The following HCN2 variants were observed in gnomAD, a reference collection of about 807,000 sequenced individuals.
HCN2 encodes the protein hyperpolarization activated cyclic nucleotide gated potassium and sodium channel 2.
Under a neutral mutation model 52.3 loss-of-function variants are expected in HCN2, and 20 were observed. The observed-to-expected ratio is 0.38, with a 90% CI of 0.27 to 0.56. HCN2 has a LOEUF of 0.56. HCN2 is among the 20% of genes least tolerant of loss of function. HCN2 has a pLI of 0.71. For missense variants in HCN2, 981 were observed against 1,207.7 expected (o/e 0.81, Z 2.78); for synonymous variants, 694 against 537.0 (o/e 1.29, Z -4.04).
intron 1 of HCN2, among the ~76,000 whole-genome samples, chr19:595,926 G>T (rs1983016538): frequency 6.6e-6 from 1 of 152,142 alleles, no homozygotes; most frequent in Non-Finnish European, 1.5e-5. Context: ...CTGAGGCTGG[G>T]CTCCTGCGGG....
rs1983943972 is a variant in HCN2, at chr19:616,602, T to C, written c.*128T>C. The C allele has an allele frequency of 6.0e-6, 3 of 501,528 alleles. No individual in the cohort carries two copies. Among genetic ancestry groups the C allele is most frequent in the Non-Finnish European group, 8.4e-6 (3 of 358,690 alleles). The allele number at this position is 501,528 out of a possible 1,614,324, so 31.1% of individuals were successfully genotyped here. ...GCCATAGACGAGACGTAGGTAGCCG[T>C]AGTTGGACGGACGGGCAGGGCCGGC... On this transcript the variant is annotated 3_prime_UTR_variant, in exon 8 of 8. Coordinates refer to ENST00000251287, the MANE Select transcript of HCN2 (RefSeq NM_001194.4).
At chr19:608,613 T>G (rs1292767577) in intron 4 of HCN2, among the ~76,000 whole-genome samples, 3 of 151,304 alleles carry the variant, frequency 2.0e-5, no homozygotes, top group Non-Finnish European at 4.4e-5. Flanking sequence ...GGATGCAGGC[T>G]GGGCAGGAAG....
Position 590,026 on chromosome 19 carries a change from GC to G in HCN2, c.84del (p.Ala29ArgfsTer233). 1.7e-6 allele frequency: 1 copy of G among 592,040 alleles called. No homozygotes were observed. Among genetic ancestry groups the G allele is most frequent in the Non-Finnish European group, 2.1e-6 (1 of 484,064 alleles). 36.7% of individuals were successfully genotyped at this position (592,040 alleles called of 1,614,324 possible). A position where few individuals can be genotyped will look rare whatever the true frequency, so the allele number is the denominator to read the frequency against. ...PAPGPPPPPP[P>X]APPQQQPPPP... is the part of the protein sequence containing the mutation. ...CGCCGGGGCCGCCGCCGCCGCCGCC[GC>G]CCGCGCCCCCCCAACAGCAGCCGCC... is the stretch of plus-strand genomic sequence containing the variant. On this transcript the variant is annotated frameshift_variant, in exon 1 of 8. Transcript: ENST00000251287. LOFTEE classifies it high-confidence loss of function. This position sits in a 1 kb window ranked among gnomAD's most constrained non-coding sequence, Gnocchi z 7.2.
At chr19:597,756 G>C (rs1299601753) in intron 1 of HCN2, among the ~76,000 whole-genome samples, 2 of 146,166 alleles carry the variant, frequency 1.4e-5, no homozygotes, top group African/African-American at 2.6e-5. Context: ...AGGTCCTCCT[G>C]GTGGTTTCTA....
Position 603,669 on chromosome 19 carries a change from CCTT to C in HCN2, c.763_765del (p.Phe255del), listed in dbSNP as rs1351518252. On this transcript the variant is annotated inframe_deletion, in exon 2 of 8. Transcript: ENST00000251287. ...ATCGTGTTCAACGTGGTCTCGGACA[CCTT>C]CTTCCTCATGGACCTGGTGTTGAAC... 2 of 1,612,630 alleles carry C rather than the reference CCTT, an allele frequency of 1.2e-6. No homozygotes were observed. The highest frequency in any genetic ancestry group is 1.3e-5 in the African/African-American group (1 of 74,860).
chr19:614,027 C>CA lies in HCN2; in HGVS notation c.1990+11_1990+12insA. The CA allele has an allele frequency of 1.0e-6, 1 of 963,026 alleles. No individual in the cohort carries two copies. Among genetic ancestry groups the CA allele is most frequent in the South Asian group, 1.8e-5 (1 of 54,122 alleles). 59.7% of individuals were successfully genotyped at this position (963,026 alleles called of 1,614,324 possible). A position where few individuals can be genotyped will look rare whatever the true frequency, so the allele number is the denominator to read the frequency against. ...GCCTGGACCGCATCGGTGAGCGGGC[C>CA]GGGGGCGTGGCCGGGGCGGGTGCCC... is the stretch of plus-strand genomic sequence containing the variant. On this transcript the variant is annotated intron_variant, in intron 7 of 7. Transcript: ENST00000251287.
intron 2 of HCN2, among the ~76,000 whole-genome samples, chr19:604,426 C>G (rs529485439): frequency 4.9e-4 from 65 of 133,596 alleles, no homozygotes; most frequent in Non-Finnish European, 5.9e-4. Flanking sequence ...TGAGCAGGGT[C>G]GAGGCAGCAG....
chr19:609,987 G>A (rs1443591920), intron 4 of HCN2, among the ~76,000 whole-genome samples: 3 of 152,192 alleles, frequency 2.0e-5, no homozygotes, highest in Non-Finnish European at 2.9e-5. Flanking sequence ...GAATCTGGCC[G>A]CCCCTGTGTG....
At chr19:600,528 G>A (rs565783625) in intron 1 of HCN2, among the ~76,000 whole-genome samples, 5 of 151,186 alleles carry the variant, frequency 3.3e-5, no homozygotes, top group African/African-American at 4.9e-5. Context: ...TGTATTTTTT[G>A]TAGAGCTGGG....
intron 1 of HCN2, among the ~76,000 whole-genome samples, chr19:603,286 G>T (rs1456136205): frequency 7.2e-6 from 1 of 139,790 alleles, no homozygotes; most frequent in Non-Finnish European, 1.6e-5. Flanking sequence ...ACCAGCCTGA[G>T]GTGTGGGCAC....
At position 605,111 on chromosome 19, in the gene HCN2, T is replaced by C; in HGVS notation, c.1107T>C (p.Asn369=). ...CCAGCGCGGTGATGAGGATCTGCAA[T>C]CTCATCAGCATGATGCTGCTGCTCT... is the stretch of plus-strand genomic sequence containing the variant. The part of the protein sequence containing the change: ...DLASAVMRIC[N]LISMMLLLCH... Residue 369 remains asparagine (N), a synonymous_variant, in exon 3 of 8, where the codon AAT becomes AAC. Coordinates refer to ENST00000251287, the MANE Select transcript of HCN2 (RefSeq NM_001194.4). The C allele has an allele frequency of 6.2e-7, 1 of 1,611,954 alleles. No homozygotes were observed. The highest frequency in any genetic ancestry group is 2.2e-5 in the East Asian group (1 of 44,872).
intron 5 of HCN2, among the ~76,000 whole-genome samples, chr19:613,044 A>G (rs1377252031): frequency 6.6e-6 from 1 of 152,180 alleles, no homozygotes; most frequent in African/African-American, 2.4e-5. Flanking sequence ...GATGTCGCCA[A>G]TACGGTGTCA....
At chr19:609,015 C>T (rs1428018248) in intron 4 of HCN2, among the ~76,000 whole-genome samples, 1 of 152,200 alleles carries the variant, frequency 6.6e-6, no homozygotes. Flanking sequence ...CCTCAGTTTC[C>T]CCATGTTAGG....
chr19:609,584 G>A (rs552832477), intron 4 of HCN2, among the ~76,000 whole-genome samples: 5 of 152,340 alleles, frequency 3.3e-5, no homozygotes, highest in East Asian at 3.9e-4. Flanking sequence ...TGAGCAACAC[G>A]GCGAGACCTC....
At chr19:609,984 G>A (rs1478671639) in intron 4 of HCN2, among the ~76,000 whole-genome samples, 1 of 152,240 alleles carries the variant, frequency 6.6e-6, no homozygotes, top group Non-Finnish European at 1.5e-5. Context: ...GTTGAATCTG[G>A]CCGCCCCTGT....
Position 592,663 on chromosome 19 carries a change from G to A in HCN2, c.632+2086G>A, listed in dbSNP as rs922026947. On this transcript the variant is annotated intron_variant, in intron 1 of 7. Transcript: ENST00000251287. This position sits in a 1 kb window ranked among gnomAD's most constrained non-coding sequence, Gnocchi z 4.8. ...CAGTCAGATTTTAAAAAAGGATTTCGATGTTGCCAAGCTGGGTGCACGGGG... is the reference window on the plus strand; with the variant it reads ...CAGTCAGATTTTAAAAAAGGATTTCAATGTTGCCAAGCTGGGTGCACGGGG... 2.6e-5 allele frequency among the ~76,000 whole-genome samples: 4 copies of A among 152,108 alleles called. No homozygotes were observed. Among genetic ancestry groups the A allele is most frequent in the African/African-American group, 9.7e-5 (4 of 41,408 alleles).
At chr19:614,199 T>TGGGGCA (rs1983800503) in intron 7 of HCN2, among the ~76,000 whole-genome samples, 183 bp downstream of exon 7, 2 of 152,052 alleles carry the variant, frequency 1.3e-5, no homozygotes, top group South Asian at 4.1e-4. Context: ...GGGGCGTGGC[T>TGGGGCA]GGGGCAGGGG....
At chr19:596,952 G>T (rs1983049258) in intron 1 of HCN2, among the ~76,000 whole-genome samples, 1 of 152,180 alleles carries the variant, frequency 6.6e-6, no homozygotes, top group Non-Finnish European at 1.5e-5. Flanking sequence ...GCCCTGCAGG[G>T]CTCTGGGGTC....
In HCN2 at chr19:592,606, G is replaced by C. The variant is rs962604240; in HGVS notation, c.632+2029G>C. 1.3e-5 allele frequency among the ~76,000 whole-genome samples: 2 copies of C among 152,114 alleles called. No individual in the cohort carries two copies. Among genetic ancestry groups the C allele is most frequent in the Non-Finnish European group, 2.9e-5 (2 of 68,018 alleles). On this transcript the variant is annotated intron_variant, in intron 1 of 7. Transcript: ENST00000251287. This position sits in a 1 kb window ranked among gnomAD's most constrained non-coding sequence, Gnocchi z 4.8. Reference sequence around the variant, plus strand: ...TGAGCAGGCAGGGAATGGGGTTAGCGGGGCCTGTCTTCGGGACTAGGGGAG... The same window carrying C: ...TGAGCAGGCAGGGAATGGGGTTAGCCGGGCCTGTCTTCGGGACTAGGGGAG...
Sources: allele counts gnomAD v4.1 joint callset (sites outside exome capture counted in the v4.1 genomes callset), GRCh38; gene constraint gnomAD v4.1.1; non-coding constraint Gnocchi (gnomAD v3.1); transcripts MANE v1.5; gene names NCBI Gene and HGNC (gene_info 2026-07-23, HGNC 2026-07-21).